The following NELL2 variants were observed in gnomAD, a reference collection of about 807,000 sequenced individuals.
NELL2 encodes protein kinase C-binding protein NELL2.
NELL2 carries 41 observed loss-of-function variants against 109.6 expected under a neutral mutation model. The ratio of observed to expected loss-of-function variants is 0.37; its 90% confidence interval spans 0.29 to 0.49. The LOEUF (loss-of-function observed/expected upper bound fraction) is 0.49, where lower values mean the gene tolerates loss of function less well. Among genes scored for constraint, NELL2 ranks in the 20% least tolerant of loss-of-function variants. The pLI is 0.98. For synonymous variants in NELL2, 355 were observed against 344.7 expected, an observed-to-expected ratio of 1.03 and a Z score of -0.33; for missense variants, 900 against 1,008.3, an observed-to-expected ratio of 0.89 and a Z score of 1.45.
intron 2 of NELL2, among the ~76,000 whole-genome samples, chr12:44,864,627 T>C (rs1474362899): frequency 6.6e-6 from 1 of 152,164 alleles, no homozygotes; most frequent in African/African-American, 2.4e-5. Context: ...ACTAGGGAAC[T>C]TTAATACCCT....
intron 1 of NELL2, among the ~76,000 whole-genome samples, chr12:44,912,336 AAAGATTATCAC>A (rs1945789187): frequency 1.3e-5 from 2 of 152,106 alleles, no homozygotes. Context: ...TGGGATGTTG[AAAGATTATCAC>A]AAGAAAAAGG....
At chr12:44,606,314 A>G (rs1019999742) in intron 15 of NELL2, among the ~76,000 whole-genome samples, 1 of 152,174 alleles carries the variant, frequency 6.6e-6, no homozygotes, top group Non-Finnish European at 1.5e-5. Flanking sequence ...CAAGTGGAAT[A>G]GAGGCAGAGC....
At chr12:44,576,409 GCCTGT>G (rs1316255206) in intron 15 of NELL2, among the ~76,000 whole-genome samples, 1 of 152,152 alleles carries the variant, frequency 6.6e-6, no homozygotes. Flanking sequence ...TCTTCCCAGT[GCCTGT>G]CCTAATAAGC....
intron 2 of NELL2, among the ~76,000 whole-genome samples, chr12:44,857,726 C>T (rs546564043): frequency 1.2e-4 from 19 of 152,314 alleles, no homozygotes; most frequent in Admixed American, 7.8e-4. Context: ...TGCCCTGAAT[C>T]TTCCTTTACT....
chr12:44,826,146 T>A (rs919513045), intron 2 of NELL2, among the ~76,000 whole-genome samples: 3 of 152,210 alleles, frequency 2.0e-5, no homozygotes, highest in Admixed American at 2.0e-4. Flanking sequence ...TAAGCATCAT[T>A]GTTTTCTTTT....
chr12:44,595,861 C>T (rs1375914130), intron 15 of NELL2, among the ~76,000 whole-genome samples: 1 of 152,168 alleles, frequency 6.6e-6, no homozygotes, highest in Non-Finnish European at 1.5e-5. Context: ...CTTTGTCTAA[C>T]ACTTGAAAGT....
At chr12:44,598,883 A>T (rs868680999) in intron 15 of NELL2, among the ~76,000 whole-genome samples, 2,263 of 143,970 alleles carry the variant, frequency 0.016, 34 homozygotes, top group East Asian at 0.024. Flanking sequence ...ACACACACAC[A>T]CTCTCTCTCT....
chr12:44,527,349 A>C (rs959143037), intron 16 of NELL2, among the ~76,000 whole-genome samples: 3 of 152,228 alleles, frequency 2.0e-5, no homozygotes, highest in African/African-American at 7.2e-5. Context: ...AGACAGAGAC[A>C]AAATTTTAGG....
intron 16 of NELL2, among the ~76,000 whole-genome samples, chr12:44,529,581 A>G (rs1941951743): frequency 6.6e-6 from 1 of 152,198 alleles, no homozygotes; most frequent in African/African-American, 2.4e-5. Flanking sequence ...GGCATTTGCG[A>G]GAGTGAAAGA....
intron 2 of NELL2, among the ~76,000 whole-genome samples, chr12:44,840,186 G>C (rs1944180536): frequency 6.6e-6 from 1 of 152,160 alleles, no homozygotes; most frequent in South Asian, 2.1e-4. Flanking sequence ...CACCTTGCTT[G>C]ATTGAGGAGG....
intron 9 of NELL2, among the ~76,000 whole-genome samples, chr12:44,740,122 C>T (rs1398300093): frequency 6.6e-6 from 1 of 152,176 alleles, no homozygotes; most frequent in Non-Finnish European, 1.5e-5. Context: ...ACATAGTAAT[C>T]CAGTTCCCTT....
chr12:44,834,153 C>T (rs983512144), intron 2 of NELL2, among the ~76,000 whole-genome samples: 1 of 152,084 alleles, frequency 6.6e-6, no homozygotes. Context: ...AAATTAGGCC[C>T]AAACATCAAT....
intron 12 of NELL2, among the ~76,000 whole-genome samples, chr12:44,672,549 C>T (rs573213678): frequency 6.6e-6 from 1 of 152,180 alleles, no homozygotes; most frequent in Admixed American, 6.5e-5. Context: ...ATGTAGCCTA[C>T]CCCAGCAGAA....
chr12:44,574,071 AT>A (rs535303763), intron 15 of NELL2, among the ~76,000 whole-genome samples: 29 of 148,482 alleles, frequency 2.0e-4, no homozygotes, highest in African/African-American at 3.0e-4. Flanking sequence ...TTTTATTTTT[AT>A]TTTTTTTTTG....
intron 9 of NELL2, among the ~76,000 whole-genome samples, chr12:44,730,130 TGCATACAA>T (rs1362841193): frequency 2.6e-5 from 4 of 152,118 alleles, no homozygotes; most frequent in Admixed American, 6.6e-5. Context: ...AGAGCACCTA[TGCATACAA>T]AGCAAACACT....
chr12:44,771,666 C>T (rs1298179444), intron 9 of NELL2, among the ~76,000 whole-genome samples: 1 of 152,128 alleles, frequency 6.6e-6, no homozygotes, highest in Non-Finnish European at 1.5e-5. Context: ...GAAATTAAGC[C>T]CCTCCTCCCA....
intron 1 of NELL2, chr12:44,881,881 A>G (rs985748227): frequency 2.1e-4 from 32 of 151,994 alleles, no homozygotes; most frequent in African/African-American, 7.8e-4. Flanking sequence ...AGAGAAGAAA[A>G]AATCCTAAAA....
Position 44,849,186 on chromosome 12 carries a change from A to G in NELL2, c.184+26039T>C, listed in dbSNP as rs561356628. ...TGAAACCACAAAACAAAAAATAATG[A>G]TAACTTGAACTCCATTAAAAATAAA... On this transcript the variant is annotated intron_variant, in intron 2 of 19. Transcript: ENST00000429094. Among the ~76,000 whole-genome samples, 123 of 152,332 alleles carry G rather than the reference A, an allele frequency of 8.1e-4. No homozygotes were observed. In the Middle Eastern group the frequency reaches 0.014, roughly 17 times the overall value.
chr12:44,716,524 G>A (rs923018698), intron 9 of NELL2, among the ~76,000 whole-genome samples: 1 of 152,034 alleles, frequency 6.6e-6, no homozygotes, highest in African/African-American at 2.4e-5. Context: ...AAACATGATT[G>A]ATTGCAAAAT....
Sources: allele counts gnomAD v4.1 joint callset (sites outside exome capture counted in the v4.1 genomes callset), GRCh38; gene constraint gnomAD v4.1.1; transcripts MANE v1.5; gene names NCBI Gene and HGNC (gene_info 2026-07-23, HGNC 2026-07-21).